The following TIGAR variants were observed in gnomAD, a reference collection of about 807,000 sequenced individuals.
The protein encoded by TIGAR is TP53 induced glycolysis regulatory phosphatase.
In TIGAR, 7 loss-of-function variants were observed where a neutral mutation model predicts 17.9. That is an observed-to-expected ratio of 0.39 (90% CI 0.22 to 0.73). TIGAR has a LOEUF of 0.73. Among genes scored for constraint, TIGAR ranks in the 30% least tolerant of loss-of-function variants. The probability of loss-of-function intolerance (pLI) is 0.42; values close to 1 mark genes in which losing one functional copy is unlikely to be tolerated. For missense variants in TIGAR, 258 were observed against 327.4 expected, an observed-to-expected ratio of 0.79 and a Z score of 1.64; for synonymous variants, 94 against 108.6, an observed-to-expected ratio of 0.87 and a Z score of 0.84.
At chr12:4,347,824 C>A (rs187795113) in intron 3 of TIGAR, among the ~76,000 whole-genome samples, 1 of 152,070 alleles carries the variant, frequency 6.6e-6, no homozygotes, top group East Asian at 1.9e-4. Context: ...AAATGTAGCA[C>A]GGCATGATAG....
Position 4,352,692 on chromosome 12 carries a change from G to A in TIGAR, c.*1G>A, listed in dbSNP as rs780261469. ...AAATGGACTGACTGAAACTCGCTAA[G>A]GTTAAATCTGCATCAAAATCTAACC... On this transcript the variant is annotated 3_prime_UTR_variant, in exon 6 of 6. Transcript: ENST00000179259. 1.6e-5 allele frequency: 25 copies of A among 1,594,606 alleles called. 2 individuals carry two copies. In the South Asian group the frequency reaches 2.8e-4, roughly 18 times the overall value.
chr12:4,343,777 G>A (rs1050328145), intron 3 of TIGAR, among the ~76,000 whole-genome samples: 6 of 152,132 alleles, frequency 3.9e-5, no homozygotes, highest in African/African-American at 1.4e-4. Context: ...GGAGAAAGCA[G>A]GAAAGATCTA....
chr12:4,352,086 A>G (rs1276311132), intron 5 of TIGAR, among the ~76,000 whole-genome samples, 174 bp from the exon 6 acceptor site: 1 of 152,118 alleles, frequency 6.6e-6, no homozygotes, highest in Non-Finnish European at 1.5e-5. Context: ...GGATACTTAT[A>G]TATGTCCATG....
chr12:4,326,814 A>G lies in TIGAR; in HGVS notation c.33-4466A>G, dbSNP rs192928906. On this transcript the variant is annotated intron_variant, in intron 1 of 5. Transcript: ENST00000179259. ...AGTTACTCTTCAGCAAGTATACAAA[A>G]AGTAATCATCTCTGCCAAATTTCTG... Among the ~76,000 whole-genome samples, 510 of 152,314 alleles carry G rather than the reference A, an allele frequency of 3.3e-3. 4 individuals are homozygous for G. The highest frequency in any genetic ancestry group is 0.012 in the African/African-American group (483 of 41,574).
Position 4,348,434 on chromosome 12 carries a change from T to G in TIGAR, c.193-1385T>G, listed in dbSNP as rs546787065. Among the ~76,000 whole-genome samples, 3 of 152,336 alleles carry G rather than the reference T, an allele frequency of 2.0e-5. No individual in the cohort carries two copies. In the South Asian group the frequency reaches 6.2e-4, roughly 32 times the overall value. On this transcript the variant is annotated intron_variant, in intron 3 of 5. Coordinates refer to ENST00000179259, the MANE Select transcript of TIGAR (RefSeq NM_020375.3). ...AAAACCATCCTTTATTAAAGACCATTAGTTAGGCTGTCAGCAAATTTGTTC... is the reference window on the plus strand; with the variant it reads ...AAAACCATCCTTTATTAAAGACCATGAGTTAGGCTGTCAGCAAATTTGTTC...
Position 4,358,103 on chromosome 12 carries a change from C to CAAAAA in TIGAR, c.*5426_*5430dup, listed in dbSNP as rs4026708. 8.1e-6 allele frequency among the ~76,000 whole-genome samples: 1 copy of CAAAAA among 123,254 alleles called. No individual in the cohort carries two copies. Among genetic ancestry groups the CAAAAA allele is most frequent in the Non-Finnish European group, 1.6e-5 (1 of 60,900 alleles). 80.9% of individuals were successfully genotyped at this position (123,254 alleles called of 152,430 possible). Reference sequence around the variant, plus strand: ...TGGGTGACAGAGCAAGACTGGGTCTCAAAAAAAAAAAAAAAAAATCATTTG... The same window carrying CAAAAA: ...TGGGTGACAGAGCAAGACTGGGTCTCAAAAAAAAAAAAAAAAAAAAAAATCATTTG... On this transcript the variant is annotated 3_prime_UTR_variant, in exon 6 of 6. Transcript: ENST00000179259.
chr12:4,351,255 G>A lies in TIGAR; in HGVS notation c.271-12G>A. On this transcript the variant is annotated splice_polypyrimidine_tract_variant and intron_variant, in intron 4 of 5. Coordinates refer to ENST00000179259, the MANE Select transcript of TIGAR (RefSeq NM_020375.3). The stretch of plus-strand genomic sequence containing the variant: ...TTCATTTGAGAAACTGTTATCTATT[G>A]GACTGTTTCAGAAATACGGGGTTGT... 6.2e-7 allele frequency: 1 copy of A among 1,609,962 alleles called. No homozygotes were observed. Among genetic ancestry groups the A allele is most frequent in the Non-Finnish European group, 8.5e-7 (1 of 1,176,558 alleles).
chr12:4,357,597 A>T lies in TIGAR; in HGVS notation c.*4906A>T, dbSNP rs1174623364. On this transcript the variant is annotated 3_prime_UTR_variant, in exon 6 of 6. Transcript: ENST00000179259. ...CCTTTGTGTCCAAACAAGATGGCTA[A>T]GTAGGTCGTCATGACAGGTAACTAC... 1.3e-5 allele frequency among the ~76,000 whole-genome samples: 2 copies of T among 152,190 alleles called. No individual in the cohort carries two copies. Among genetic ancestry groups the T allele is most frequent in the Admixed American group, 1.3e-4 (2 of 15,282 alleles).
At chr12:4,342,412 G>A (rs1241088984) in intron 3 of TIGAR, among the ~76,000 whole-genome samples, 1 of 152,138 alleles carries the variant, frequency 6.6e-6, no homozygotes, top group African/African-American at 2.4e-5. Flanking sequence ...CTCAAGAAGA[G>A]CAACTCCAAG....
In TIGAR at chr12:4,349,919, G is replaced by T. The variant is rs376507287; in HGVS notation, c.270+23G>T. On this transcript the variant is annotated intron_variant, in intron 4 of 5. Transcript: ENST00000179259. ...AGGGTGAGTAACTTATTTACATATT[G>T]TTCTTCCCCATAAATTATCAGTAAG... The T allele has an allele frequency of 1.3e-3, 1,925 of 1,492,278 alleles. 18 individuals are homozygous for T. The South Asian group carries it at 0.016, about 13-fold the overall frequency. 92.4% of individuals were successfully genotyped at this position (1,492,278 alleles called of 1,614,324 possible).
Position 4,352,665 on chromosome 12 carries a change from C to G in TIGAR, c.787C>G (p.Leu263Val). 3 of 1,602,186 alleles carry G rather than the reference C, an allele frequency of 1.9e-6. No homozygotes were observed. Among genetic ancestry groups the G allele is most frequent in the Non-Finnish European group, 2.5e-6 (3 of 1,179,808 alleles). ...TATTTGTATGAACCTACAGGATCATCTAAATGGACTGACTGAAACTCGCTA... is the reference window on the plus strand; with the variant it reads ...TATTTGTATGAACCTACAGGATCATGTAAATGGACTGACTGAAACTCGCTA... ...QCICMNLQDHLNGLTETR is the reference protein window; with the variant it reads ...QCICMNLQDHVNGLTETR Residue 263 changes from leucine to valine, a missense_variant, in exon 6 of 6, where the codon CTA becomes GTA. Leu to Val is a conservative substitution (Grantham distance 32). Transcript: ENST00000179259.
chr12:4,330,867 C>G (rs983669344), intron 1 of TIGAR, among the ~76,000 whole-genome samples: 1 of 152,204 alleles, frequency 6.6e-6, no homozygotes, highest in Non-Finnish European at 1.5e-5. Context: ...CATTCAGATT[C>G]TCTTTCACTT....
Position 4,357,976 on chromosome 12 carries a change from C to T in TIGAR, c.*5285C>T, listed in dbSNP as rs536081319. Among the ~76,000 whole-genome samples, 6 of 151,808 alleles carry T rather than the reference C, an allele frequency of 4.0e-5. No homozygotes were observed. Among genetic ancestry groups the T allele is most frequent in the East Asian group, 1.9e-4 (1 of 5,166 alleles). ...AAAATTAGCCAGGCCTGGTGGCCGG[C>T]GCCTGTAGTCCCAGCTACTTGGGAG... On this transcript the variant is annotated 3_prime_UTR_variant, in exon 6 of 6. Transcript: ENST00000179259.
At chr12:4,349,752 CT>C in intron 3 of TIGAR, 66 bp from the exon 4 acceptor site, 2 of 1,301,282 alleles carry the variant, frequency 1.5e-6, no homozygotes, top group South Asian at 2.7e-5. Flanking sequence ...GACATAGATT[CT>C]TTCAGTGCTT....
At chr12:4,323,941 A>G (rs960726884) in intron 1 of TIGAR, among the ~76,000 whole-genome samples, 1 of 152,232 alleles carries the variant, frequency 6.6e-6, no homozygotes, top group Non-Finnish European at 1.5e-5. Context: ...GTTAAATGTA[A>G]TGACTTTTTG....
At chr12:4,329,833 T>C (rs1222728392) in intron 1 of TIGAR, among the ~76,000 whole-genome samples, 1 of 152,142 alleles carries the variant, frequency 6.6e-6, no homozygotes, top group Admixed American at 6.6e-5. Flanking sequence ...CAATCCCTGC[T>C]TGTGCCTTTA....
At chr12:4,326,730 G>A (rs1033215674) in intron 1 of TIGAR, among the ~76,000 whole-genome samples, 1 of 152,156 alleles carries the variant, frequency 6.6e-6, no homozygotes, top group Admixed American at 6.5e-5. Context: ...TTTTGACAGT[G>A]TAAACCTTTA....
At chr12:4,326,242 A>G (rs536585677) in intron 1 of TIGAR, among the ~76,000 whole-genome samples, 1 of 152,354 alleles carries the variant, frequency 6.6e-6, no homozygotes, top group South Asian at 2.1e-4. Flanking sequence ...CCTTCAAAAT[A>G]TATCCCTCTG....
chr12:4,341,222 G>A (rs1864715930), intron 3 of TIGAR, among the ~76,000 whole-genome samples: 1 of 152,030 alleles, frequency 6.6e-6, no homozygotes, highest in Non-Finnish European at 1.5e-5. Context: ...ACTAAAAATG[G>A]GCAAAATGTC....
Sources: gnomAD v4.1 joint callset for allele counts (sites outside exome capture counted in the v4.1 genomes callset) on GRCh38, gnomAD v4.1.1 for gene constraint, MANE v1.5 for transcripts, NCBI Gene and HGNC (gene_info 2026-07-23, HGNC 2026-07-21) for gene names.